FAT4: variants seen among roughly 807,000 people sequenced by gnomAD.
FAT4 encodes protocadherin Fat 4.
Under a neutral mutation model 303.9 loss-of-function variants are expected in FAT4, and 84 were observed. The ratio of observed to expected loss-of-function variants is 0.28; its 90% CI spans 0.23 to 0.33. The LOEUF (loss-of-function observed/expected upper bound fraction) is 0.33. FAT4 is among the 10% of genes least tolerant of loss of function. The probability of loss-of-function intolerance (pLI) is 1.00; values close to 1 mark genes in which losing one functional copy is unlikely to be tolerated. For synonymous variants in FAT4, 2,307 were observed against 2,298.8 expected (o/e 1.00, Z -0.10); for missense variants, 6,005 against 6,146.8 (o/e 0.98, Z 0.77).
intron 2 of FAT4, among the ~76,000 whole-genome samples, chr4:125,383,108 A>C (rs1206177833): frequency 6.6e-6 from 1 of 152,198 alleles, no homozygotes; most frequent in Non-Finnish European, 1.5e-5. Flanking sequence ...TCTCTGGAGC[A>C]GCACTTTTAA....
At chr4:125,368,965 GA>G (rs2125990304) in intron 2 of FAT4, among the ~76,000 whole-genome samples, 1 of 152,190 alleles carries the variant, frequency 6.6e-6, no homozygotes, top group Middle Eastern at 3.4e-3. Flanking sequence ...ACTGACAAAA[GA>G]AAAATATTGT....
rs368697043 is a variant in FAT4, at chr4:125,490,949, T to C, written c.14133T>C (p.Ser4711=). Residue 4711 remains serine, a synonymous_variant, in exon 18 of 18, where the codon TCT becomes TCC. Coordinates refer to ENST00000394329, the MANE Select transcript of FAT4 (RefSeq NM_001291303.3). ...SRHSPAPFSK[S]STFYRNSPAR... is the part of the protein sequence containing the mutation. ...ACAGTCCAGCCCCTTTCTCCAAATC[T>C]TCTACGTTCTATAGAAACAGCCCAG... The C allele has an allele frequency of 5.0e-6, 8 of 1,614,066 alleles. No individual in the cohort carries two copies. The highest frequency in any genetic ancestry group is 6.8e-6 in the Non-Finnish European group (8 of 1,180,014).
intron 2 of FAT4, among the ~76,000 whole-genome samples, chr4:125,335,124 G>A (rs1378880726): frequency 6.6e-6 from 1 of 152,092 alleles, no homozygotes; most frequent in East Asian, 1.9e-4. Context: ...TTGGATGGGA[G>A]GGACAATAGA....
chr4:125,439,787 A>T (rs1163337469), intron 8 of FAT4, among the ~76,000 whole-genome samples: 1 of 152,172 alleles, frequency 6.6e-6, no homozygotes, highest in Middle Eastern at 3.2e-3. Context: ...GCTCATTTAC[A>T]TAAGTTAGCG....
chr4:125,374,797 A>G (rs1276285394), intron 2 of FAT4, among the ~76,000 whole-genome samples: 1 of 152,216 alleles, frequency 6.6e-6, no homozygotes, highest in Non-Finnish European at 1.5e-5. Flanking sequence ...AGCTAAACTC[A>G]GATGAAATAA....
At chr4:125,339,213 G>C (rs942538174) in intron 2 of FAT4, among the ~76,000 whole-genome samples, 1 of 152,042 alleles carries the variant, frequency 6.6e-6, no homozygotes, top group African/African-American at 2.4e-5. Flanking sequence ...GCCCAGGCTG[G>C]AGTACAGTGG....
intron 2 of FAT4, among the ~76,000 whole-genome samples, chr4:125,327,122 C>CTA (rs2125952976): frequency 6.6e-6 from 1 of 152,266 alleles, no homozygotes; most frequent in African/African-American, 2.4e-5. Flanking sequence ...GGTTACATCC[C>CTA]TAGGCATCAT....
At chr4:125,338,448 G>A (rs1202063775) in intron 2 of FAT4, among the ~76,000 whole-genome samples, 1 of 152,074 alleles carries the variant, frequency 6.6e-6, no homozygotes, top group Non-Finnish European at 1.5e-5. Context: ...TTCAATATGC[G>A]AGCTACAGTG....
chr4:125,315,054 CTGTG>C lies in FAT4; in HGVS notation c.-923_-920del, dbSNP rs147797766. 3.3e-5 allele frequency among the ~76,000 whole-genome samples: 5 copies of C among 151,048 alleles called. 1 individual carries two copies. Among genetic ancestry groups the C allele is most frequent in the Admixed American group, 2.6e-4 (4 of 15,184 alleles). ...CCTCTGTTTGTGTTTCGGCGACGCGCTGTGTGTGTGTGTGTGCGTGTGTATGTGT... is the reference window on the plus strand; with the variant it reads ...CCTCTGTTTGTGTTTCGGCGACGCGCTGTGTGTGTGTGCGTGTGTATGTGT... On this transcript the variant is annotated 5_prime_UTR_variant, in exon 1 of 18. Coordinates refer to ENST00000394329, the MANE Select transcript of FAT4 (RefSeq NM_001291303.3).
chr4:125,404,001 G>T (rs771370718), intron 3 of FAT4, among the ~76,000 whole-genome samples: 1 of 152,012 alleles, frequency 6.6e-6, no homozygotes, highest in Non-Finnish European at 1.5e-5. Context: ...TACTTACCTT[G>T]CTAGTTTGCC....
chr4:125,345,457 A>AC (rs141258017), intron 2 of FAT4, among the ~76,000 whole-genome samples: 14,391 of 151,732 alleles, frequency 0.095, 734 homozygotes, highest in Non-Finnish European at 0.12. Flanking sequence ...TGAAAAAAAA[A>AC]ACACACAAAA....
chr4:125,322,864 T>G (rs1731010389), intron 2 of FAT4, among the ~76,000 whole-genome samples: 1 of 152,042 alleles, frequency 6.6e-6, no homozygotes, highest in Admixed American at 6.6e-5. Context: ...GGAATTCAAT[T>G]TTATCTTTAC....
At chr4:125,374,754 T>C (rs1733249780) in intron 2 of FAT4, among the ~76,000 whole-genome samples, 1 of 152,120 alleles carries the variant, frequency 6.6e-6, no homozygotes, top group Admixed American at 6.6e-5. Context: ...ACTCAATGAA[T>C]ACAAGGTACA....
At chr4:125,395,166 C>T (rs1029353114) in intron 2 of FAT4, among the ~76,000 whole-genome samples, 3 of 151,924 alleles carry the variant, frequency 2.0e-5, no homozygotes, top group African/African-American at 4.8e-5. Context: ...TAATTAAAAC[C>T]GCAGGCTACT....
In FAT4 at chr4:125,472,387, A is replaced by G. The variant is rs1335642261; in HGVS notation, c.12213+3568A>G. ...GAATATGTTATATTGCTGAATGCAT[A>G]TCAGCAATATTCAGAAGTAATATTT... On this transcript the variant is annotated intron_variant, in intron 12 of 17. Transcript: ENST00000394329. Among the ~76,000 whole-genome samples the G allele has an allele frequency of 2.6e-5, 4 of 152,170 alleles. No individual in the cohort carries two copies. The East Asian group carries it at 7.7e-4, about 29-fold the overall frequency.
intron 2 of FAT4, among the ~76,000 whole-genome samples, chr4:125,387,966 G>T (rs1365783613): frequency 6.6e-6 from 1 of 152,168 alleles, no homozygotes; most frequent in East Asian, 1.9e-4. Flanking sequence ...CACATTTCTG[G>T]ATAACTGCAG....
chr4:125,488,341 A>G (rs1727484734), intron 17 of FAT4, among the ~76,000 whole-genome samples: 1 of 152,144 alleles, frequency 6.6e-6, no homozygotes, highest in South Asian at 2.1e-4. Context: ...GTAATTGAAA[A>G]CTTTAATCAC....
intron 14 of FAT4, among the ~76,000 whole-genome samples, chr4:125,478,338 T>C (rs1727105585): frequency 6.6e-6 from 1 of 152,248 alleles, no homozygotes; most frequent in African/African-American, 2.4e-5. Flanking sequence ...CCACCATTGT[T>C]AATACTTCGG....
At position 125,321,170 on chromosome 4, in the gene FAT4, G is replaced by A. The variant is rs1560757396; in HGVS notation, c.4759G>A (p.Ala1587Thr). ...VDRYSGDLRV[A>T]SALVPSQLIY... is the part of the protein sequence containing the mutation. ...TCGTTATAGTGGAGACCTGAGAGTGGCTTCAGCGTTGGTGCCTTCACAGTT... is the reference window on the plus strand; with the variant it reads ...TCGTTATAGTGGAGACCTGAGAGTGACTTCAGCGTTGGTGCCTTCACAGTT... Residue 1587 changes from alanine to threonine, a missense_variant, in exon 2 of 18, where the codon GCT (alanine) becomes ACT (threonine). By Grantham distance (58) the Ala-to-Thr change is moderately conservative. Coordinates refer to ENST00000394329, the MANE Select transcript of FAT4 (RefSeq NM_001291303.3). 3 of 1,614,128 alleles carry A rather than the reference G, an allele frequency of 1.9e-6. No individual in the cohort carries two copies. The highest frequency in any genetic ancestry group is 2.2e-5 in the South Asian group (2 of 91,078).
Sources: allele counts gnomAD v4.1 joint callset (sites outside exome capture counted in the v4.1 genomes callset), GRCh38; gene constraint gnomAD v4.1.1; transcripts MANE v1.5; gene names NCBI Gene and HGNC (gene_info 2026-07-23, HGNC 2026-07-21).